ADGRB3: variants seen among roughly 807,000 people sequenced by gnomAD.
The protein encoded by ADGRB3 is adhesion G protein-coupled receptor B3, also known as brain-specific angiogenesis inhibitor 3.
In ADGRB3, 37 loss-of-function variants were observed where a neutral mutation model predicts 193.4. The observed-to-expected ratio is 0.19, with a 90% CI of 0.15 to 0.25. The LOEUF is 0.25. ADGRB3 is among the 10% of genes least tolerant of loss of function. The probability of loss-of-function intolerance (pLI) is 1.00; values close to 1 mark genes in which losing one functional copy is unlikely to be tolerated. For missense variants in ADGRB3, 1,637 were observed against 1,852.9 expected, an observed-to-expected ratio of 0.88 and a Z score of 2.14; for synonymous variants, 690 against 644.2, an observed-to-expected ratio of 1.07 and a Z score of -1.08.
intron 3 of ADGRB3, among the ~76,000 whole-genome samples, chr6:68,741,735 G>C (rs1765986886): frequency 6.6e-6 from 1 of 152,188 alleles, no homozygotes; most frequent in African/African-American, 2.4e-5. Context: ...AAGTATAGAA[G>C]AGTAATCTAA....
In ADGRB3 at chr6:68,979,855, C is replaced by CTT. The variant is rs1470806936; in HGVS notation, c.1734+4516_1734+4517dup. 2.6e-5 allele frequency among the ~76,000 whole-genome samples: 4 copies of CTT among 151,376 alleles called. 1 individual carries two copies. Among genetic ancestry groups the CTT allele is most frequent in the Non-Finnish European group, 5.9e-5 (4 of 67,572 alleles). On this transcript the variant is annotated intron_variant, in intron 10 of 31. Coordinates refer to ENST00000370598, the MANE Select transcript of ADGRB3 (RefSeq NM_001704.3). ...CAGGCAACATTCTCTTTCTCTCTCT[C>CTT]TTCTCTCTCCTCTTCCTCCTCTTCC...
chr6:68,842,071 A>G (rs942909795), intron 3 of ADGRB3, among the ~76,000 whole-genome samples: 3 of 152,038 alleles, frequency 2.0e-5, no homozygotes, highest in Non-Finnish European at 4.4e-5. Flanking sequence ...TGGATACCCT[A>G]TTTACCATGA....
chr6:68,891,570 T>G (rs1315115125), intron 3 of ADGRB3, among the ~76,000 whole-genome samples: 1 of 152,124 alleles, frequency 6.6e-6, no homozygotes, highest in South Asian at 2.1e-4. Flanking sequence ...AATGTCTGAG[T>G]CAGAAGGAAG....
At chr6:69,298,015 T>A (rs961636408) in intron 20 of ADGRB3, among the ~76,000 whole-genome samples, 2 of 152,094 alleles carry the variant, frequency 1.3e-5, no homozygotes, top group African/African-American at 2.4e-5. Context: ...TGAGTTATTA[T>A]TAGAGTAACA....
chr6:69,275,015 GGCCCCCTACCACA>G (rs1767271414), intron 20 of ADGRB3, among the ~76,000 whole-genome samples: 1 of 151,988 alleles, frequency 6.6e-6, no homozygotes, highest in Admixed American at 6.6e-5. Context: ...AGAATTGTTT[GGCCCCCTACCACA>G]GCCCACCCAA....
intron 3 of ADGRB3, among the ~76,000 whole-genome samples, chr6:68,794,820 C>T (rs532529685): frequency 8.9e-4 from 136 of 152,112 alleles, no homozygotes; most frequent in Middle Eastern, 3.4e-3. Flanking sequence ...CTGATCTTGT[C>T]CTGTATATGA....
intron 3 of ADGRB3, among the ~76,000 whole-genome samples, chr6:68,839,212 T>A (rs1768103666): frequency 6.6e-6 from 1 of 152,166 alleles, no homozygotes; most frequent in Non-Finnish European, 1.5e-5. Flanking sequence ...GCAGATATCT[T>A]TTCTGTCATC....
intron 16 of ADGRB3, among the ~76,000 whole-genome samples, chr6:69,071,145 A>G (rs1395200940): frequency 6.6e-6 from 1 of 152,204 alleles, no homozygotes. Flanking sequence ...TGGTTGCAGA[A>G]TGGTTAGACT....
intron 3 of ADGRB3, among the ~76,000 whole-genome samples, chr6:68,704,358 A>G (rs1328003033): frequency 6.6e-6 from 1 of 152,212 alleles, no homozygotes; most frequent in Non-Finnish European, 1.5e-5. Flanking sequence ...AGAGTTCATT[A>G]AAAGTTAAGA....
At chr6:69,194,990 G>T (rs1313490029) in intron 17 of ADGRB3, among the ~76,000 whole-genome samples, 1 of 152,098 alleles carries the variant, frequency 6.6e-6, no homozygotes, top group Non-Finnish European at 1.5e-5. Context: ...GGCTAGAGAT[G>T]GGTGTGTGTT....
chr6:68,672,143 CCT>C (rs1396043317), intron 3 of ADGRB3, among the ~76,000 whole-genome samples: 2 of 151,370 alleles, frequency 1.3e-5, no homozygotes, highest in African/African-American at 2.4e-5. Flanking sequence ...TTATTTGAAT[CCT>C]CTCTCTTTTT....
At chr6:69,065,834 C>T (rs1005924213) in intron 16 of ADGRB3, among the ~76,000 whole-genome samples, 1 of 150,340 alleles carries the variant, frequency 6.7e-6, no homozygotes, top group Admixed American at 6.7e-5. Context: ...TCAGTATCTG[C>T]ATCCGTGGAT....
intron 17 of ADGRB3, among the ~76,000 whole-genome samples, chr6:69,110,563 T>G: frequency 6.6e-6 from 1 of 152,238 alleles, no homozygotes. Flanking sequence ...AGTATGAAAT[T>G]GAATCCTTAA....
At chr6:69,341,565 A>T (rs947025470) in intron 26 of ADGRB3, among the ~76,000 whole-genome samples, 1 of 152,174 alleles carries the variant, frequency 6.6e-6, no homozygotes, top group African/African-American at 2.4e-5. Flanking sequence ...ACTGTTGCCA[A>T]GCCTTACTAT....
chr6:69,247,431 C>T (rs780803825), intron 20 of ADGRB3, among the ~76,000 whole-genome samples: 1 of 152,176 alleles, frequency 6.6e-6, no homozygotes, highest in Admixed American at 6.5e-5. Context: ...TCTGTTCCCT[C>T]CTAGGGACCG....
chr6:69,305,220 A>C (rs1413421105), intron 20 of ADGRB3, among the ~76,000 whole-genome samples: 1 of 151,570 alleles, frequency 6.6e-6, no homozygotes, highest in Admixed American at 6.6e-5. Context: ...AATTTTCCTG[A>C]ATTATACTAA....
intron 3 of ADGRB3, among the ~76,000 whole-genome samples, chr6:68,724,237 T>C (rs966682189): frequency 9.2e-5 from 14 of 151,674 alleles, no homozygotes; most frequent in Non-Finnish European, 1.9e-4. Context: ...GGTCACGTTA[T>C]CACATTAGAA....
chr6:69,223,818 A>G (rs1765951262), intron 17 of ADGRB3, among the ~76,000 whole-genome samples: 1 of 151,736 alleles, frequency 6.6e-6, no homozygotes, highest in Non-Finnish European at 1.5e-5. Flanking sequence ...CACCATGCCC[A>G]GCTAATTTTT....
intron 17 of ADGRB3, among the ~76,000 whole-genome samples, chr6:69,141,502 G>T (rs1166959371): frequency 3.1e-5 from 4 of 129,402 alleles, no homozygotes; most frequent in African/African-American, 1.1e-4. Context: ...TAACAGAAAT[G>T]AGAAAGCAAG....
Sources: allele counts gnomAD v4.1 joint callset (sites outside exome capture counted in the v4.1 genomes callset), GRCh38; gene constraint gnomAD v4.1.1; transcripts MANE v1.5; gene names NCBI Gene and HGNC (gene_info 2026-07-23, HGNC 2026-07-21).